WASF3: variants seen among roughly 807,000 people sequenced by gnomAD.
WASF3 encodes the protein actin-binding protein WASF3.
In WASF3, 11 loss-of-function variants were observed where a neutral mutation model predicts 46.6. The ratio of observed to expected loss-of-function variants is 0.24; its 90% CI spans 0.15 to 0.39. The LOEUF (loss-of-function observed/expected upper bound fraction) is 0.39. Ranked by LOEUF, WASF3 falls within the 10% of genes least tolerant of loss-of-function variation. The pLI, the probability that WASF3 is intolerant of heterozygous loss-of-function variation, is 1.00. For missense variants in WASF3, 576 were observed against 669.8 expected (o/e 0.86, Z 1.55); for synonymous variants, 242 against 259.7 (o/e 0.93, Z 0.65).
chr13:26,601,590 A>G (rs1880644610), intron 1 of WASF3, among the ~76,000 whole-genome samples: 1 of 152,264 alleles, frequency 6.6e-6, no homozygotes, highest in Admixed American at 6.5e-5. Context: ...AGTTATTAAC[A>G]GAAAACTCTA....
chr13:26,636,486 C>G (rs943138984), intron 2 of WASF3, among the ~76,000 whole-genome samples: 5 of 152,236 alleles, frequency 3.3e-5, no homozygotes, highest in African/African-American at 1.2e-4. Context: ...AATGCCCCGC[C>G]CTGCTTTGGC....
At chr13:26,563,003 A>G (rs187819513) in intron 1 of WASF3, among the ~76,000 whole-genome samples, 277 of 150,818 alleles carry the variant, frequency 1.8e-3, no homozygotes, top group African/African-American at 5.6e-3. Flanking sequence ...TTCTCAAGAC[A>G]TGCTCTTCTG....
At chr13:26,638,639 A>G (rs1881901409) in intron 2 of WASF3, 1 of 152,246 alleles carries the variant, frequency 6.6e-6, no homozygotes, top group Admixed American at 6.5e-5. Flanking sequence ...TCACTGACCC[A>G]GCATTTTTTC....
At chr13:26,602,788 AT>A (rs1327304750) in intron 1 of WASF3, among the ~76,000 whole-genome samples, 1 of 152,236 alleles carries the variant, frequency 6.6e-6, no homozygotes, top group East Asian at 1.9e-4. Context: ...AATGAAAAAA[AT>A]ACCTCTGCAA....
chr13:26,634,588 T>C (rs1339242045), intron 2 of WASF3, among the ~76,000 whole-genome samples: 1 of 152,244 alleles, frequency 6.6e-6, no homozygotes, highest in African/African-American at 2.4e-5. Flanking sequence ...GCATCGATGG[T>C]CTTTACAATT....
chr13:26,607,883 A>G (rs1156266174), intron 1 of WASF3, among the ~76,000 whole-genome samples: 1 of 152,080 alleles, frequency 6.6e-6, no homozygotes. Flanking sequence ...AGATAATCCT[A>G]CCTAGGCCTC....
rs560401657 is a variant in WASF3, at chr13:26,575,644, A to G, written c.-109+17825A>G. On this transcript the variant is annotated intron_variant, in intron 1 of 9. Transcript: ENST00000335327. Reference sequence around the variant, plus strand: ...TATTTTATGAGTTCTTGCTTGTTCAAAGTTTTTTTATTAGCCTCGTTAGTT... The same window carrying G: ...TATTTTATGAGTTCTTGCTTGTTCAGAGTTTTTTTATTAGCCTCGTTAGTT... Among the ~76,000 whole-genome samples the G allele has an allele frequency of 2.4e-3, 363 of 152,314 alleles. 2 individuals carry two copies. Among genetic ancestry groups the G allele is most frequent in the Non-Finnish European group, 4.5e-3 (306 of 68,018 alleles).
chr13:26,562,837 T>TCCTCC (rs1199839009), intron 1 of WASF3, among the ~76,000 whole-genome samples: 1 of 71,570 alleles, frequency 1.4e-5, no homozygotes, highest in African/African-American at 5.5e-5. Flanking sequence ...TAGGCTGATT[T>TCCTCC]CCTCCCCTCC....
rs146613276 is a variant in WASF3 at position 26,685,764 on chromosome 13, G to A, written c.1428G>A (p.Thr476=). ...KREPVGNDVA[T]ILSRRIAVEY... is the part of the protein sequence containing the mutation. ...AGCCAGTGGGGAATGACGTGGCCAC[G>A]ATCCTGTCCCGGCGCATTGCCGTGG... is the stretch of plus-strand genomic sequence containing the variant. The change falls in exon 10 of 10, where the codon ACG becomes ACA. Residue 476 remains threonine, a synonymous_variant. Transcript: ENST00000335327. 6.8e-5 allele frequency: 109 copies of A among 1,614,226 alleles called. No homozygotes were observed. The African/African-American group carries it at 7.9e-4, about 12-fold the overall frequency.
intron 2 of WASF3, among the ~76,000 whole-genome samples, chr13:26,629,423 CG>C (rs1307573936): frequency 6.6e-6 from 1 of 152,236 alleles, no homozygotes; most frequent in African/African-American, 2.4e-5. Context: ...TCAAGCTACG[CG>C]GTGTCATGAA....
intron 1 of WASF3, among the ~76,000 whole-genome samples, chr13:26,597,415 G>A (rs1161658069): frequency 6.6e-6 from 1 of 152,166 alleles, no homozygotes; most frequent in Non-Finnish European, 1.5e-5. Context: ...GATTACAGGC[G>A]TGAGCCACCA....
chr13:26,646,984 C>T (rs796298735), intron 3 of WASF3, among the ~76,000 whole-genome samples: 2 of 152,202 alleles, frequency 1.3e-5, no homozygotes, highest in East Asian at 3.8e-4. Flanking sequence ...GAAGGCCCTA[C>T]AACTTTACAT....
At position 26,575,775 on chromosome 13, in the gene WASF3, T is replaced by G. The variant is rs143768539; in HGVS notation, c.-109+17956T>G. ...TTCTAGAATGATTTTCTACTAGTCT[T>G]GCTTTTTATGTTGCTTTGCTAAGTC... On this transcript the variant is annotated intron_variant, in intron 1 of 9. Transcript: ENST00000335327. Among the ~76,000 whole-genome samples, 1,198 of 152,322 alleles carry G rather than the reference T, an allele frequency of 7.9e-3. 6 individuals are homozygous for G. Among genetic ancestry groups the G allele is most frequent in the South Asian group, 0.014 (68 of 4,826 alleles).
chr13:26,657,757 TG>T (rs1015753042), intron 3 of WASF3, among the ~76,000 whole-genome samples: 1 of 152,092 alleles, frequency 6.6e-6, no homozygotes, highest in African/African-American at 2.4e-5. Flanking sequence ...ATTGAAAGAG[TG>T]AGTAGAATTC....
At chr13:26,555,059 TTTG>T (rs1452261041), upstream of WASF3, among the ~76,000 whole-genome samples, 1 of 152,234 alleles carries the variant, frequency 6.6e-6, no homozygotes, top group East Asian at 1.9e-4. Context: ...CCTTAGGTTT[TTTG>T]TTGTTGTTGC....
At chr13:26,583,915 C>T (rs1340155783) in intron 1 of WASF3, among the ~76,000 whole-genome samples, 3 of 152,192 alleles carry the variant, frequency 2.0e-5, no homozygotes, top group African/African-American at 7.2e-5. Flanking sequence ...AAATGGCTTA[C>T]CACAGATGTG....
Position 26,591,950 on chromosome 13 carries a change from G to A in WASF3, c.-108-21011G>A, listed in dbSNP as rs185049620. On this transcript the variant is annotated intron_variant, in intron 1 of 9. Coordinates refer to ENST00000335327, the MANE Select transcript of WASF3 (RefSeq NM_006646.6). Reference sequence around the variant, plus strand: ...TGGGGTGTTAATCCCAGTGCACTCAGCTGTTATTTCAGAATGGATGTCTAA... The same window carrying A: ...TGGGGTGTTAATCCCAGTGCACTCAACTGTTATTTCAGAATGGATGTCTAA... Among the ~76,000 whole-genome samples the A allele has an allele frequency of 1.1e-3, 166 of 151,982 alleles. 1 individual carries two copies. Among genetic ancestry groups the A allele is most frequent in the Non-Finnish European group, 2.0e-3 (137 of 68,006 alleles).
chr13:26,563,301 C>G (rs1014815370), intron 1 of WASF3, among the ~76,000 whole-genome samples: 5 of 151,904 alleles, frequency 3.3e-5, no homozygotes, highest in African/African-American at 1.2e-4. Context: ...CTCAAGCAGT[C>G]CTCCCACCTT....
intron 3 of WASF3, among the ~76,000 whole-genome samples, chr13:26,656,427 T>C (rs1047300944): frequency 7.9e-5 from 12 of 152,180 alleles, no homozygotes; most frequent in African/African-American, 2.4e-4. Context: ...TATCAGTGGC[T>C]AAGGCCAAAA....
Sources: allele counts gnomAD v4.1 joint callset (sites outside exome capture counted in the v4.1 genomes callset), GRCh38; gene constraint gnomAD v4.1.1; transcripts MANE v1.5; gene names NCBI Gene and HGNC (gene_info 2026-07-23, HGNC 2026-07-21).